PRR16: variants seen among roughly 807,000 people sequenced by gnomAD.
PRR16 encodes proline rich 16.
In PRR16, 6 loss-of-function variants were observed where a neutral mutation model predicts 18.2. The ratio of observed to expected loss-of-function variants is 0.33; its 90% CI spans 0.18 to 0.65. The LOEUF (loss-of-function observed/expected upper bound fraction) is 0.65. Among genes scored for constraint, PRR16 ranks in the 30% least tolerant of loss-of-function variants. PRR16 has a pLI of 0.74. For synonymous variants in PRR16, 151 were observed against 147.8 expected, an observed-to-expected ratio of 1.02 and a Z score of -0.16; for missense variants, 412 against 376.6, an observed-to-expected ratio of 1.09 and a Z score of -0.78.
chr5:120,526,533 A>G (rs1456869936), intron 1 of PRR16, among the ~76,000 whole-genome samples: 1 of 152,030 alleles, frequency 6.6e-6, no homozygotes, highest in Admixed American at 6.6e-5. Context: ...ATAGTGTATT[A>G]CTGAGCTCAA....
At chr5:120,621,534 C>T (rs1754689645) in intron 1 of PRR16, among the ~76,000 whole-genome samples, 1 of 151,980 alleles carries the variant, frequency 6.6e-6, no homozygotes, top group Non-Finnish European at 1.5e-5. Flanking sequence ...GCTTTGCATC[C>T]CAACCTAAAT....
At chr5:120,645,382 A>AC (rs1755555039) in intron 1 of PRR16, among the ~76,000 whole-genome samples, 5 of 92,854 alleles carry the variant, frequency 5.4e-5, no homozygotes, top group Non-Finnish European at 1.1e-4. Context: ...ATACCCACCC[A>AC]TCCCCCCCCC....
At chr5:120,695,083 A>G in the PRR16 span, among the ~76,000 whole-genome samples, 1 of 152,226 alleles carries the variant, frequency 6.6e-6, no homozygotes, top group Non-Finnish European at 1.5e-5. Context: ...CAATATGAAT[A>G]TTGCCAATAA....
chr5:120,742,792 A>G, the PRR16 span, among the ~76,000 whole-genome samples: 1 of 152,216 alleles, frequency 6.6e-6, no homozygotes, highest in South Asian at 2.1e-4. Flanking sequence ...TCATGGAACT[A>G]AAGTCAAGGT....
At chr5:120,635,885 A>G (rs1755211974) in intron 1 of PRR16, among the ~76,000 whole-genome samples, 1 of 152,150 alleles carries the variant, frequency 6.6e-6, no homozygotes, top group African/African-American at 2.4e-5. Flanking sequence ...GACTCATCCA[A>G]AAAGCTTCTA....
chr5:120,575,735 G>C (rs981191904), intron 1 of PRR16, among the ~76,000 whole-genome samples: 1 of 152,160 alleles, frequency 6.6e-6, no homozygotes, highest in African/African-American at 2.4e-5. Flanking sequence ...CTAAGATTGA[G>C]AATAAGATAA....
intron 1 of PRR16, among the ~76,000 whole-genome samples, chr5:120,661,237 T>C (rs1756163231): frequency 1.3e-5 from 2 of 152,126 alleles, no homozygotes; most frequent in African/African-American, 2.4e-5. Flanking sequence ...GATATGACTT[T>C]CTTGGGTCAC....
chr5:120,476,823 TA>T (rs927560648), intron 1 of PRR16, among the ~76,000 whole-genome samples: 3 of 151,566 alleles, frequency 2.0e-5, no homozygotes, highest in Admixed American at 6.6e-5. Context: ...AAATAAAAAA[TA>T]AAAAAAAACT....
chr5:120,645,484 T>C (rs544370137), intron 1 of PRR16, among the ~76,000 whole-genome samples: 2 of 151,446 alleles, frequency 1.3e-5, no homozygotes, highest in South Asian at 4.2e-4. Context: ...TTTGATCAGC[T>C]ATTAGGGGCA....
the PRR16 span, among the ~76,000 whole-genome samples, chr5:120,719,643 A>T: frequency 1.3e-5 from 2 of 152,096 alleles, no homozygotes; most frequent in African/African-American, 4.8e-5. Context: ...GATGAAATGC[A>T]TATGTCCAAT....
the PRR16 span, among the ~76,000 whole-genome samples, chr5:120,743,379 G>T: frequency 6.6e-6 from 1 of 151,276 alleles, no homozygotes; most frequent in South Asian, 2.1e-4. Context: ...TTTCATAGGT[G>T]ATTAAAAAAA....
intron 1 of PRR16, among the ~76,000 whole-genome samples, chr5:120,662,313 T>C (rs1449167): frequency 0.31 from 47,146 of 152,010 alleles, 7,775 homozygotes; most frequent in Middle Eastern, 0.44. Context: ...GTGAGAAATA[T>C]CTGATTTTTT....
chr5:120,762,129 C>T, the PRR16 span, among the ~76,000 whole-genome samples: 2 of 152,084 alleles, frequency 1.3e-5, no homozygotes, highest in African/African-American at 4.8e-5. Flanking sequence ...GACAGTTAGG[C>T]TGATTGCATG....
chr5:120,567,597 A>T (rs148057945), intron 1 of PRR16, among the ~76,000 whole-genome samples: 1 of 152,074 alleles, frequency 6.6e-6, no homozygotes, highest in African/African-American at 2.4e-5. Context: ...CTGGGAGGTG[A>T]CTGGATCATG....
At chr5:120,543,833 C>CT (rs1371900515) in intron 1 of PRR16, among the ~76,000 whole-genome samples, 2 of 152,166 alleles carry the variant, frequency 1.3e-5, no homozygotes, top group Non-Finnish European at 2.9e-5. Context: ...AGCTATTACA[C>CT]TAACTCTGTG....
chr5:120,577,345 A>G (rs572117172), intron 1 of PRR16, among the ~76,000 whole-genome samples: 8 of 152,022 alleles, frequency 5.3e-5, no homozygotes, highest in African/African-American at 1.7e-4. Context: ...AAATGTAGAA[A>G]GTAGAGAGAG....
chr5:120,702,496 T>TC, the PRR16 span, among the ~76,000 whole-genome samples: 3 of 151,920 alleles, frequency 2.0e-5, 1 homozygote, highest in Non-Finnish European at 4.4e-5. Context: ...ACTTGCCCCT[T>TC]CCCCAGAAAA....
chr5:120,521,267 T>C (rs1353239759), intron 1 of PRR16, among the ~76,000 whole-genome samples: 3 of 152,160 alleles, frequency 2.0e-5, no homozygotes, highest in Non-Finnish European at 4.4e-5. Context: ...ATGTATGTTA[T>C]GGTCTTATCT....
rs189350493 is a variant in PRR16 at position 120,574,690 on chromosome 5, A to G, written c.159+110045A>G. ...ACTCAATTTCATTAGTCAAAGAGAAATGCAAATTAAAACCACTTTATAATA... is the reference window on the plus strand; with the variant it reads ...ACTCAATTTCATTAGTCAAAGAGAAGTGCAAATTAAAACCACTTTATAATA... On this transcript the variant is annotated intron_variant, in intron 1 of 1. Coordinates refer to ENST00000407149, the MANE Select transcript of PRR16 (RefSeq NM_001300783.2). 9.4e-5 allele frequency among the ~76,000 whole-genome samples: 14 copies of G among 149,174 alleles called. 2 individuals are homozygous for G. Among genetic ancestry groups the G allele is most frequent in the African/African-American group, 3.4e-4 (13 of 38,574 alleles).
Sources: gnomAD v4.1 joint callset for allele counts (sites outside exome capture counted in the v4.1 genomes callset) on GRCh38, gnomAD v4.1.1 for gene constraint, MANE v1.5 for transcripts, NCBI Gene and HGNC (gene_info 2026-07-23, HGNC 2026-07-21) for gene names.